Variants in NEK7 observed in about 807,000 individuals in gnomAD.
NEK7 encodes the protein NIMA related kinase 7, also known as serine/threonine-protein kinase Nek7.
In NEK7, 18 loss-of-function variants were observed where a neutral mutation model predicts 44.6. The observed-to-expected ratio is 0.40, with a 90% CI of 0.28 to 0.60. The LOEUF (loss-of-function observed/expected upper bound fraction) is 0.60. Ranked by LOEUF, NEK7 falls within the 20% of genes least tolerant of loss-of-function variation. NEK7 has a pLI of 0.38. For missense variants in NEK7, 256 were observed against 366.5 expected, an observed-to-expected ratio of 0.70 and a Z score of 2.46; for synonymous variants, 130 against 121.1, an observed-to-expected ratio of 1.07 and a Z score of -0.48.
chr1:198,216,885 T>C (rs1194686244), intron 1 of NEK7, among the ~76,000 whole-genome samples: 1 of 151,914 alleles, frequency 6.6e-6, no homozygotes, highest in Non-Finnish European at 1.5e-5. Context: ...CCCTTCTAGA[T>C]TGAATCAGGA....
intron 2 of NEK7, among the ~76,000 whole-genome samples, chr1:198,243,315 T>C (rs1312759276): frequency 6.6e-6 from 1 of 152,208 alleles, no homozygotes; most frequent in African/African-American, 2.4e-5. Flanking sequence ...TATTTGTTTA[T>C]TGCCTGTTTA....
At chr1:198,191,245 G>C (rs1665064111) in intron 1 of NEK7, among the ~76,000 whole-genome samples, 1 of 151,950 alleles carries the variant, frequency 6.6e-6, no homozygotes, top group African/African-American at 2.4e-5. Context: ...AAGAATTGGT[G>C]GGTTGTAGGG....
chr1:198,253,003 G>T lies in NEK7; in HGVS notation c.58-37G>T, dbSNP rs1170072295. The T allele has an allele frequency of 3.2e-6, 5 of 1,576,856 alleles. No individual in the cohort carries two copies. The African/African-American group carries it at 6.8e-5, about 21-fold the overall frequency. ...TGATTGTGTGTATTGCGTGTATATTGTGTGATTGAAAATTTTTCTGACATT... is the reference window on the plus strand; with the variant it reads ...TGATTGTGTGTATTGCGTGTATATTTTGTGATTGAAAATTTTTCTGACATT... On this transcript the variant is annotated intron_variant, in intron 2 of 9. Transcript: ENST00000367385.
chr1:198,286,783 C>T (rs768870369), intron 7 of NEK7, among the ~76,000 whole-genome samples: 5 of 152,110 alleles, frequency 3.3e-5, no homozygotes, highest in Non-Finnish European at 4.4e-5. Flanking sequence ...GTAGGACTGA[C>T]GTTCTTGTTT....
chr1:198,182,622 T>G (rs147097822), intron 1 of NEK7, among the ~76,000 whole-genome samples: 54 of 152,358 alleles, frequency 3.5e-4, no homozygotes, highest in African/African-American at 1.0e-3. Flanking sequence ...TTGGAAACAT[T>G]ACTTATGTAT....
At chr1:198,300,611 C>T (rs1654854640) in intron 9 of NEK7, among the ~76,000 whole-genome samples, 1 of 152,212 alleles carries the variant, frequency 6.6e-6, no homozygotes, top group Admixed American at 6.5e-5. Context: ...TGGATGCCTC[C>T]CCCTGCAGAC....
intron 1 of NEK7, among the ~76,000 whole-genome samples, chr1:198,220,088 T>G (rs1156696370): frequency 3.3e-5 from 5 of 152,046 alleles, no homozygotes; most frequent in African/African-American, 1.2e-4. Context: ...GGCATTCTTT[T>G]GTAAGAAGTA....
rs190605849 is a variant in NEK7, at chr1:198,294,186, A to C, written c.684+1147A>C. Among the ~76,000 whole-genome samples the C allele has an allele frequency of 3.0e-3, 449 of 152,098 alleles. 1 individual carries two copies. Among genetic ancestry groups the C allele is most frequent in the Non-Finnish European group, 2.2e-3 (150 of 67,836 alleles). On this transcript the variant is annotated intron_variant, in intron 8 of 9. Transcript: ENST00000367385. ...ACTAACAACTACTTAAAATGAAAGGATTTTTAAATATTCTTAAATAAACTC... is the reference window on the plus strand; with the variant it reads ...ACTAACAACTACTTAAAATGAAAGGCTTTTTAAATATTCTTAAATAAACTC...
chr1:198,310,674 C>T (rs951228023), intron 9 of NEK7, among the ~76,000 whole-genome samples: 2 of 152,058 alleles, frequency 1.3e-5, no homozygotes, highest in Non-Finnish European at 2.9e-5. Context: ...TAGTCAGTTT[C>T]CCCAACACCA....
chr1:198,321,368 A>C lies in NEK7; in HGVS notation c.*1846A>C, dbSNP rs952876275. The C allele has an allele frequency of 2.0e-5, 3 of 152,152 alleles. No individual in the cohort carries two copies. The highest frequency in any genetic ancestry group is 1.3e-4 in the Admixed American group (2 of 15,280). 9.4% of individuals were successfully genotyped at this position (152,152 alleles called of 1,614,324 possible). ...TTTAACATTTATACTGAGCATCCAT[A>C]GATATATTCCTAGAAGTATGAGAAG... is the stretch of plus-strand genomic sequence containing the variant. On this transcript the variant is annotated 3_prime_UTR_variant, in exon 10 of 10. Transcript: ENST00000367385.
chr1:198,167,626 G>A (rs1462159902), intron 1 of NEK7, among the ~76,000 whole-genome samples: 21 of 152,096 alleles, frequency 1.4e-4, no homozygotes, highest in Non-Finnish European at 3.1e-4. Flanking sequence ...TCTCAACTGG[G>A]TGTGAAAGCT....
At chr1:198,189,611 A>G (rs1237732848) in intron 1 of NEK7, among the ~76,000 whole-genome samples, 3 of 152,150 alleles carry the variant, frequency 2.0e-5, no homozygotes, top group Non-Finnish European at 4.4e-5. Context: ...CTCATTAAAC[A>G]TTTGGATTAA....
chr1:198,196,476 G>A (rs765790600), intron 1 of NEK7, among the ~76,000 whole-genome samples: 3 of 152,156 alleles, frequency 2.0e-5, no homozygotes, highest in African/African-American at 7.2e-5. Flanking sequence ...GCTGTGTGAC[G>A]TATCTGTTAG....
At chr1:198,292,702 A>C (rs889512469) in intron 7 of NEK7, among the ~76,000 whole-genome samples, 3 of 151,752 alleles carry the variant, frequency 2.0e-5, no homozygotes, top group Admixed American at 6.6e-5. Context: ...TTCTTCTTGG[A>C]TTGATCAAAA....
chr1:198,239,058 T>C lies in NEK7; in HGVS notation c.57+6421T>C, dbSNP rs551510692. On this transcript the variant is annotated intron_variant, in intron 2 of 9. Transcript: ENST00000367385. Reference sequence around the variant, plus strand: ...TTCCCTATGTCCTGGCTATAACTCCTCTAGTTTAGAATATTGTCATTTGAT... The same window carrying C: ...TTCCCTATGTCCTGGCTATAACTCCCCTAGTTTAGAATATTGTCATTTGAT... 5.3e-5 allele frequency among the ~76,000 whole-genome samples: 8 copies of C among 152,304 alleles called. No homozygotes were observed. The South Asian group carries it at 1.4e-3, about 28-fold the overall frequency.
At chr1:198,288,808 G>A (rs907829412) in intron 7 of NEK7, among the ~76,000 whole-genome samples, 1 of 152,118 alleles carries the variant, frequency 6.6e-6, no homozygotes, top group Non-Finnish European at 1.5e-5. Flanking sequence ...TTAAAATTCA[G>A]CAAGATAATA....
At chr1:198,163,937 A>G (rs572369342) in intron 1 of NEK7, among the ~76,000 whole-genome samples, 9 of 152,242 alleles carry the variant, frequency 5.9e-5, no homozygotes, top group African/African-American at 2.2e-4. Flanking sequence ...TATGGCTTTG[A>G]GTATTTACAA....
At position 198,319,766 on chromosome 1, in the gene NEK7, A is replaced by G. The variant is rs747493679; in HGVS notation, c.*244A>G. On this transcript the variant is annotated 3_prime_UTR_variant, in exon 10 of 10. Transcript: ENST00000367385. ...AGAAAATGAAACATGATGGTTTTGAATGGCTAAAGGTTTATAGAATTTCTT... is the reference window on the plus strand; with the variant it reads ...AGAAAATGAAACATGATGGTTTTGAGTGGCTAAAGGTTTATAGAATTTCTT... 1.1e-5 allele frequency: 4 copies of G among 369,620 alleles called. No homozygotes were observed. Among genetic ancestry groups the G allele is most frequent in the Non-Finnish European group, 2.0e-5 (4 of 204,676 alleles). 22.9% of individuals were successfully genotyped at this position (369,620 alleles called of 1,614,324 possible). A position where few individuals can be genotyped will look rare whatever the true frequency, so the allele number is the denominator to read the frequency against.
At chr1:198,308,744 C>G (rs1655086963) in intron 9 of NEK7, among the ~76,000 whole-genome samples, 1 of 152,144 alleles carries the variant, frequency 6.6e-6, no homozygotes, top group Admixed American at 6.6e-5. Flanking sequence ...ATCCCTGTTG[C>G]TCCTCAGTCA....
Sources: allele counts gnomAD v4.1 joint callset (sites outside exome capture counted in the v4.1 genomes callset), GRCh38; gene constraint gnomAD v4.1.1; transcripts MANE v1.5; gene names NCBI Gene and HGNC (gene_info 2026-07-23, HGNC 2026-07-21).